The following MYO1F variants were observed in gnomAD, a reference collection of about 807,000 sequenced individuals.
MYO1F encodes the protein unconventional myosin-If.
In MYO1F, 60 loss-of-function variants were observed where a neutral mutation model predicts 146.6. That is an observed-to-expected ratio of 0.41 (90% CI 0.33 to 0.51). The LOEUF is 0.51. MYO1F is among the 20% of genes least tolerant of loss of function. The probability of loss-of-function intolerance (pLI) is 0.25; values close to 1 mark genes in which losing one functional copy is unlikely to be tolerated. For missense variants in MYO1F, 1,274 were observed against 1,534.3 expected, an observed-to-expected ratio of 0.83 and a Z score of 2.83; for synonymous variants, 602 against 602.1, an observed-to-expected ratio of 1.00 and a Z score of 0.00.
rs1192388888 is a variant in MYO1F at position 8,536,241 on chromosome 19, A to G, written c.2043+11T>C. On this transcript the variant is annotated intron_variant, in intron 19 of 27. Transcript: ENST00000644032. ...CCTCTCCTTCTCTGCCTGTCCCTCAAACACACTCACCGACTCTGGGTTCTT... is the reference window on the plus strand; with the variant it reads ...CCTCTCCTTCTCTGCCTGTCCCTCAGACACACTCACCGACTCTGGGTTCTT... 1.2e-6 allele frequency: 2 copies of G among 1,602,088 alleles called. No individual in the cohort carries two copies. Among genetic ancestry groups the G allele is most frequent in the African/African-American group, 1.3e-5 (1 of 74,586 alleles).
At chr19:8,548,011 CAT>C in intron 12 of MYO1F, 23 bp downstream of exon 12, 6 of 1,577,762 alleles carry the variant, frequency 3.8e-6, no homozygotes, top group South Asian at 1.1e-5. Context: ...CAGGATCCCC[CAT>C]CCCTGACTGC....
intron 15 of MYO1F, among the ~76,000 whole-genome samples, chr19:8,540,711 C>CAAAAA (rs532470178): frequency 2.8e-5 from 4 of 142,834 alleles, no homozygotes; most frequent in Admixed American, 7.0e-5. Flanking sequence ...GACACTGTCT[C>CAAAAA]CAAAAAAAAA....
At chr19:8,562,611 C>T (rs1974190277) in intron 1 of MYO1F, among the ~76,000 whole-genome samples, 1 of 151,992 alleles carries the variant, frequency 6.6e-6, no homozygotes, top group African/African-American at 2.4e-5. Flanking sequence ...TCATAGCTAA[C>T]TGTAGCCTTG....
intron 16 of MYO1F, among the ~76,000 whole-genome samples, chr19:8,539,331 T>C (rs955854214): frequency 6.6e-6 from 1 of 152,064 alleles, no homozygotes; most frequent in African/African-American, 2.4e-5. Context: ...GGAGAATCAC[T>C]TGAACCCAAG....
intron 6 of MYO1F, 94 bp from the exon 7 acceptor site, chr19:8,552,258 C>T: frequency 7.5e-7 from 1 of 1,339,708 alleles, no homozygotes; most frequent in South Asian, 1.2e-5. Context: ...GCCTCTCTTC[C>T]CTTCTTCCTT....
chr19:8,573,721 G>A (rs1357707737), intron 1 of MYO1F, among the ~76,000 whole-genome samples: 3 of 152,050 alleles, frequency 2.0e-5, no homozygotes, highest in Non-Finnish European at 4.4e-5. Flanking sequence ...GTGGTGGCAG[G>A]TGCTTGTAAT....
Position 8,567,615 on chromosome 19 carries a change from G to A in MYO1F, c.3+9692C>T, listed in dbSNP as rs570082703. On this transcript the variant is annotated intron_variant, in intron 1 of 27. Transcript: ENST00000644032. Reference sequence around the variant, plus strand: ...CAGGTGATCCTCCCACCTCGGCCTCGCAAAGTGCTGGGATTATAGGCGTGA... The same window carrying A: ...CAGGTGATCCTCCCACCTCGGCCTCACAAAGTGCTGGGATTATAGGCGTGA... 1.1e-4 allele frequency among the ~76,000 whole-genome samples: 16 copies of A among 152,224 alleles called. 1 individual carries two copies. The East Asian group carries it at 1.4e-3, about 13-fold the overall frequency.
chr19:8,544,449 T>C lies in MYO1F; in HGVS notation c.1372A>G (p.Met458Val). The change falls in exon 14 of 28, where the codon ATG becomes GTG. Residue 458 changes from methionine (M) to valine (V), a missense_variant. Physicochemically the swap from Met to Val is conservative, Grantham distance 21. Transcript: ENST00000644032. Reference protein sequence around the residue: ...IENKLSPPGIMSVLDDVCATM... With the variant: ...IENKLSPPGIVSVLDDVCATM... Reference sequence around the variant, plus strand: ...GCGCACACGTCGTCCAAGACGCTCATGATGCCTGGGGGGCTCTGCGGGGCG... The same window carrying C: ...GCGCACACGTCGTCCAAGACGCTCACGATGCCTGGGGGGCTCTGCGGGGCG... 6.2e-7 allele frequency: 1 copy of C among 1,610,866 alleles called. No homozygotes were observed. The highest frequency in any genetic ancestry group is 2.2e-5 in the East Asian group (1 of 44,844).
chr19:8,555,693 T>C lies in MYO1F; in HGVS notation c.107A>G (p.Asn36Ser). 1 of 1,613,978 alleles carries C rather than the reference T, an allele frequency of 6.2e-7. No individual in the cohort carries two copies. Among genetic ancestry groups the C allele is most frequent in the Non-Finnish European group, 8.5e-7 (1 of 1,179,986 alleles). ...GTCGTCCATGAAGCGCTTCCGGAGG[T>C]TGGCGGCAATGGCGTCTTCGGTGAT... Reference protein sequence around the residue: ...PQITEDAIAANLRKRFMDDYI... With the variant: ...PQITEDAIAASLRKRFMDDYI... The change falls in exon 2 of 28, where the codon AAC becomes AGC. Residue 36 changes from asparagine to serine, a missense_variant. By Grantham distance (46) the Asn-to-Ser change is conservative. Around this residue, in one of 2 missense-constraint regions of MYO1F, gnomAD observed 900 missense variants for 1,155.1 expected, o/e 0.78. Coordinates refer to ENST00000644032, the MANE Select transcript of MYO1F (RefSeq NM_012335.4).
At position 8,521,594 on chromosome 19, in the gene MYO1F, G is replaced by A. The variant is rs772130350; in HGVS notation, c.3231C>T (p.Gly1077=). The change falls in exon 28 of 28, where the codon GGC becomes GGT. Residue 1077 remains glycine, a synonymous_variant. Transcript: ENST00000644032. ...VIEILMEDPS[G]WWKGRLHGQE... ...GGCCGTGAAGCCGGCCCTTCCACCAGCCCGAGGGATCTGTGGGAGAGAGGA... is the reference window on the plus strand; with the variant it reads ...GGCCGTGAAGCCGGCCCTTCCACCAACCCGAGGGATCTGTGGGAGAGAGGA... 1.9e-6 allele frequency: 3 copies of A among 1,614,074 alleles called. No individual in the cohort carries two copies. Among genetic ancestry groups the A allele is most frequent in the Middle Eastern group, 1.6e-4 (1 of 6,062 alleles).
intron 1 of MYO1F, among the ~76,000 whole-genome samples, chr19:8,562,371 G>T (rs780036316): frequency 6.6e-5 from 10 of 151,746 alleles, no homozygotes; most frequent in African/African-American, 2.4e-4. Flanking sequence ...GCACTGGTGC[G>T]ATCATACCTC....
At chr19:8,528,105 C>G (rs1025517944) in intron 21 of MYO1F, among the ~76,000 whole-genome samples, 16 of 152,106 alleles carry the variant, frequency 1.1e-4, no homozygotes, top group African/African-American at 3.4e-4. Context: ...ACCTGTAGTC[C>G]CAGCTACTCA....
intron 26 of MYO1F, 36 bp downstream of exon 26, chr19:8,522,598 G>A: frequency 6.2e-7 from 1 of 1,607,818 alleles, no homozygotes; most frequent in African/African-American, 1.3e-5. Flanking sequence ...CCTACCCCCT[G>A]CCCACCTCCT....
At position 8,530,629 on chromosome 19, in the gene MYO1F, A is replaced by T; in HGVS notation, c.2044-56T>A. The T allele has an allele frequency of 7.1e-7, 1 of 1,403,248 alleles. No individual in the cohort carries two copies. The highest frequency in any genetic ancestry group is 1.0e-6 in the Non-Finnish European group (1 of 999,638). The allele number at this position is 1,403,248 out of a possible 1,614,324, so 86.9% of individuals were successfully genotyped here. A position where few individuals can be genotyped will look rare whatever the true frequency, so the allele number is the denominator to read the frequency against. ...GTCCTGGTGTCTCCCCAGGGGCTGC[A>T]GTTCCGGGTTTTCCCTGCGCTCACC... is the stretch of plus-strand genomic sequence containing the variant. On this transcript the variant is annotated intron_variant, in intron 19 of 27. Transcript: ENST00000644032. The surrounding 1 kb of genome is among the most constrained non-coding windows in gnomAD (Gnocchi z 5.8).
chr19:8,540,141 G>T, intron 15 of MYO1F, 113 bp from the exon 16 acceptor site: 2 of 773,650 alleles, frequency 2.6e-6, no homozygotes, highest in Non-Finnish European at 4.2e-6. Flanking sequence ...TTCTCTCAAT[G>T]TGGAGGGGAG....
intron 19 of MYO1F, among the ~76,000 whole-genome samples, chr19:8,534,177 TA>T (rs376071903): frequency 0.024 from 3,244 of 133,932 alleles, 31 homozygotes; most frequent in African/African-American, 0.043. Flanking sequence ...AGACTCTGTC[TA>T]AAAAAAAAAA....
At chr19:8,545,384 G>A (rs981385393) in intron 13 of MYO1F, 7 of 461,354 alleles carry the variant, frequency 1.5e-5, no homozygotes, top group African/African-American at 1.2e-4. Flanking sequence ...CCACCGGCAT[G>A]GAATCTGCAA....
At chr19:8,544,585 G>A (rs1022872019) in intron 13 of MYO1F, 121 bp from the exon 14 acceptor site, 2 of 954,606 alleles carry the variant, frequency 2.1e-6, no homozygotes, top group Non-Finnish European at 3.1e-6. Flanking sequence ...AGAGCTTTGG[G>A]GGTGGGGAGG....
rs749214222 is a variant in MYO1F, at chr19:8,555,688, G to T, written c.112C>A (p.Arg38=). The change falls in exon 2 of 28, where the codon CGG becomes AGG. Residue 38 remains arginine, a synonymous_variant. Coordinates refer to ENST00000644032, the MANE Select transcript of MYO1F (RefSeq NM_012335.4). ...ATGTAGTCGTCCATGAAGCGCTTCC[G>T]GAGGTTGGCGGCAATGGCGTCTTCG... ...ITEDAIAANL[R]KRFMDDYIFT... The T allele has an allele frequency of 2.5e-6, 4 of 1,614,114 alleles. No individual in the cohort carries two copies. The highest frequency in any genetic ancestry group is 3.4e-6 in the Non-Finnish European group (4 of 1,180,028).
Sources: gnomAD v4.1 joint callset for allele counts (sites outside exome capture counted in the v4.1 genomes callset) on GRCh38, gnomAD v4.1.1 for gene constraint, gnomAD v4.1.1 regional missense constraint, Gnocchi (gnomAD v3.1) non-coding constraint, MANE v1.5 for transcripts, NCBI Gene and HGNC (gene_info 2026-07-23, HGNC 2026-07-21) for gene names.